Variants in GYPB observed in about 807,000 individuals in gnomAD.
The protein encoded by GYPB is glycophorin B (MNS blood group).
In GYPB, 13 loss-of-function variants were observed where a neutral mutation model predicts 15.3. The observed-to-expected ratio is 0.85, with a 90% CI of 0.55 to 1.35. GYPB has a LOEUF of 1.35. GYPB is among the 40% of genes most tolerant of loss of function. GYPB has a pLI of 0.00. For missense variants in GYPB, 131 were observed against 108.3 expected (o/e 1.21, Z -0.93); for synonymous variants, 38 against 36.9 (o/e 1.03, Z -0.11).
At chr4:143,999,507 A>AG in intron 2 of GYPB, 58 bp from the exon 3 acceptor site, 1 of 914,756 alleles carries the variant, frequency 1.1e-6, no homozygotes, top group Non-Finnish European at 1.8e-6. Context: ...AAAGAAAAAA[A>AG]TCATTTTGGA....
At position 143,997,646 on chromosome 4, in the gene GYPB, A is replaced by G. The variant is rs747284770; in HGVS notation, c.176-12T>C. 6 of 1,370,674 alleles carry G rather than the reference A, an allele frequency of 4.4e-6. No individual in the cohort carries two copies. The African/African-American group carries it at 8.8e-5, about 20-fold the overall frequency. 84.9% of individuals were successfully genotyped at this position (1,370,674 alleles called of 1,614,324 possible). On this transcript the variant is annotated splice_polypyrimidine_tract_variant and intron_variant, in intron 3 of 4. Transcript: ENST00000502664. ...TATCACTACAGGAGCTAAAGAGAGC[A>G]GCAAAATTATGAAAGTCTGAAATAA...
chr4:144,011,258 T>C lies in GYPB; in HGVS notation c.37+7993A>G, dbSNP rs1398498012. On this transcript the variant is annotated intron_variant, in intron 1 of 4. Transcript: ENST00000502664. Reference sequence around the variant, plus strand: ...AACTGGGCGTGGTGGTGTGCGCCTGTATTGTCAGCTACTTGGGAGGCTGAG... The same window carrying C: ...AACTGGGCGTGGTGGTGTGCGCCTGCATTGTCAGCTACTTGGGAGGCTGAG... 2.0e-5 allele frequency among the ~76,000 whole-genome samples: 3 copies of C among 151,264 alleles called. 1 individual carries two copies. The highest frequency in any genetic ancestry group is 6.3e-3 in the Middle Eastern group (2 of 316).
Position 144,008,646 on chromosome 4 carries a change from C to T in GYPB, c.38-7363G>A, listed in dbSNP as rs753024655. 2.5e-4 allele frequency among the ~76,000 whole-genome samples: 38 copies of T among 151,604 alleles called. 1 individual carries two copies. Among genetic ancestry groups the T allele is most frequent in the Non-Finnish European group, 4.7e-4 (32 of 68,010 alleles). ...GTCTAAGATATTGGTATTTCTGTAGCTGAACTTCACACACATTAAATTTGG... is the reference window on the plus strand; with the variant it reads ...GTCTAAGATATTGGTATTTCTGTAGTTGAACTTCACACACATTAAATTTGG... On this transcript the variant is annotated intron_variant, in intron 1 of 4. Coordinates refer to ENST00000502664, the MANE Select transcript of GYPB (RefSeq NM_002100.6).
chr4:143,999,686 A>C, intron 2 of GYPB, among the ~76,000 whole-genome samples: 1 of 151,492 alleles, frequency 6.6e-6, no homozygotes, highest in East Asian at 1.9e-4. Context: ...AGAAATAAGC[A>C]AATTGTCTCA....
intron 4 of GYPB, 81 bp from the exon 5 acceptor site, chr4:143,996,385 C>T: frequency 6.5e-7 from 1 of 1,547,884 alleles, no homozygotes; most frequent in Non-Finnish European, 8.7e-7. Context: ...TCTGATTGGT[C>T]ACAGGCCAAT....
intron 1 of GYPB, among the ~76,000 whole-genome samples, chr4:144,008,830 A>G (rs1728066030): frequency 6.6e-6 from 1 of 151,532 alleles, no homozygotes; most frequent in Non-Finnish European, 1.5e-5. Flanking sequence ...TGGTAGAATC[A>G]TCTGTGATAT....
intron 4 of GYPB, among the ~76,000 whole-genome samples, chr4:143,996,939 C>T (rs924732435): frequency 9.9e-5 from 15 of 151,040 alleles, no homozygotes; most frequent in African/African-American, 3.7e-4. Context: ...CATGGTCTCA[C>T]TCTGTTGCCC....
At chr4:144,016,551 G>A (rs540641685) in intron 1 of GYPB, among the ~76,000 whole-genome samples, 1 of 150,996 alleles carries the variant, frequency 6.6e-6, no homozygotes, top group Non-Finnish European at 1.5e-5. Flanking sequence ...GGAATACATG[G>A]ATGAATAAAG....
rs1181835521 is a variant in GYPB at position 143,996,252 on chromosome 4, G to A, written c.*47C>T. 4.5e-6 allele frequency: 7 copies of A among 1,550,422 alleles called. No individual in the cohort carries two copies. The highest frequency in any genetic ancestry group is 6.1e-6 in the Non-Finnish European group (7 of 1,146,826). ...AGTTTGCATAAACAAGAGAACAGCA[G>A]GTGCAGCCGGTTCTAGGCAAGATCA... On this transcript the variant is annotated 3_prime_UTR_variant, in exon 5 of 5. Transcript: ENST00000502664.
chr4:143,998,999 G>T (rs1032257025), intron 3 of GYPB, among the ~76,000 whole-genome samples: 2 of 151,032 alleles, frequency 1.3e-5, no homozygotes, highest in Non-Finnish European at 2.9e-5. Context: ...CCAGGCTCAG[G>T]CAATGGATCC....
At chr4:143,997,361 G>T in intron 4 of GYPB, 179 bp downstream of exon 4, 1 of 443,970 alleles carries the variant, frequency 2.3e-6, no homozygotes, top group South Asian at 2.4e-5. Context: ...CTTTAATTGG[G>T]CAAATGCAAA....
At chr4:144,005,596 G>C (rs1428404202) in intron 1 of GYPB, among the ~76,000 whole-genome samples, 3 of 151,556 alleles carry the variant, frequency 2.0e-5, no homozygotes, top group Admixed American at 2.0e-4. Context: ...TGAGATGAGA[G>C]TCAGTTTCTT....
chr4:144,007,410 AAG>A (rs1202682983), intron 1 of GYPB, among the ~76,000 whole-genome samples: 11 of 151,770 alleles, frequency 7.2e-5, no homozygotes, highest in African/African-American at 2.7e-4. Context: ...CTTGGTAGAG[AAG>A]GGTGCTGTAT....
intron 2 of GYPB, chr4:144,000,271 A>C (rs1727555023): frequency 4.6e-6 from 1 of 216,636 alleles, no homozygotes; most frequent in Admixed American, 5.8e-5. Context: ...GGAGTAAAAG[A>C]GTTGGGTTTT....
downstream of GYPB, among the ~76,000 whole-genome samples, chr4:143,995,780 T>C (rs1229697382): frequency 6.6e-6 from 1 of 151,416 alleles, no homozygotes; most frequent in Non-Finnish European, 1.5e-5. Flanking sequence ...GACAAAGATT[T>C]GAATAGAATT....
chr4:143,996,488 G>T (rs894430863), intron 4 of GYPB, among the ~76,000 whole-genome samples, 184 bp from the exon 5 acceptor site: 3 of 151,106 alleles, frequency 2.0e-5, no homozygotes, highest in African/African-American at 7.4e-5. Flanking sequence ...AATTAGGGCC[G>T]GGCGCAGTGG....
chr4:144,002,494 A>C, intron 1 of GYPB: 1 of 765,044 alleles, frequency 1.3e-6, no homozygotes, highest in Non-Finnish European at 1.9e-6. Context: ...TATTCTGTGC[A>C]TTCATGTGTT....
chr4:144,018,421 C>A (rs1305554191), intron 1 of GYPB, among the ~76,000 whole-genome samples: 2 of 151,060 alleles, frequency 1.3e-5, no homozygotes, highest in Middle Eastern at 3.4e-3. Context: ...TTGATACTTG[C>A]GCTCACTTGG....
At chr4:144,012,683 A>G (rs1365162196) in intron 1 of GYPB, 1 of 151,732 alleles carries the variant, frequency 6.6e-6, no homozygotes, top group Admixed American at 6.5e-5. Flanking sequence ...TGGCCAATTA[A>G]CTTTCAAGAA....
Sources: gnomAD v4.1 joint callset for allele counts (sites outside exome capture counted in the v4.1 genomes callset) on GRCh38, gnomAD v4.1.1 for gene constraint, MANE v1.5 for transcripts, NCBI Gene and HGNC (gene_info 2026-07-23, HGNC 2026-07-21) for gene names.